The following KLF7 variants were observed in gnomAD, a reference collection of about 807,000 sequenced individuals.
KLF7 encodes the protein Krueppel-like factor 7.
Under a neutral mutation model 27.3 loss-of-function variants are expected in KLF7, and 2 were observed. The ratio of observed to expected loss-of-function variants is 0.07; its 90% CI spans 0.03 to 0.23. The LOEUF is 0.23. KLF7 is among the 10% of genes least tolerant of loss of function. The probability of loss-of-function intolerance (pLI) is 1.00; values close to 1 mark genes in which losing one functional copy is unlikely to be tolerated. For synonymous variants in KLF7, 165 were observed against 162.4 expected (o/e 1.02, Z -0.12); for missense variants, 221 against 394.1 (o/e 0.56, Z 3.72).
In KLF7 at chr2:207,123,981, C is replaced by G. The variant is rs146378446; in HGVS notation, c.526G>C (p.Val176Leu). ...GCTGTTGCGACCCCTCCCACCTTTA[C>G]GGAGCTGAGAGCAGCCTTCTTGGCC... ...LVAKKAALSS[V>L]KVGGVATAAA... The change falls in exon 2 of 4, where the codon GTA becomes CTA. Residue 176 changes from valine to leucine, a missense_variant. By Grantham distance (32) the Val-to-Leu change is conservative (BLOSUM62 1). Around this residue, in one of 3 missense-constraint regions of KLF7, gnomAD observed 180 missense variants for 227.9 expected, o/e 0.79. Transcript: ENST00000309446. 3.7e-6 allele frequency: 6 copies of G among 1,614,210 alleles called. No homozygotes were observed. The highest frequency in any genetic ancestry group is 5.1e-6 in the Non-Finnish European group (6 of 1,180,038).
upstream of KLF7, among the ~76,000 whole-genome samples, chr2:207,170,543 C>T (rs1192168040): frequency 6.6e-6 from 1 of 152,130 alleles, no homozygotes; most frequent in African/African-American, 2.4e-5. Context: ...AGGAAGAAAG[C>T]AATGTCTGGC....
chr2:207,148,081 C>T (rs1027691456), intron 1 of KLF7, among the ~76,000 whole-genome samples: 2 of 152,106 alleles, frequency 1.3e-5, no homozygotes, highest in African/African-American at 4.8e-5. Flanking sequence ...TATGGCTCTC[C>T]AGATGGGGAG....
rs1295465524 is a variant in KLF7 at position 207,080,760 on chromosome 2, A to C, written c.*453T>G. The C allele has an allele frequency of 2.5e-6, 1 of 400,598 alleles. No individual in the cohort carries two copies. The allele number at this position is 400,598 out of a possible 1,614,324, so 24.8% of individuals were successfully genotyped here. On this transcript the variant is annotated 3_prime_UTR_variant, in exon 4 of 4. Coordinates refer to ENST00000309446, the MANE Select transcript of KLF7 (RefSeq NM_003709.4). The stretch of plus-strand genomic sequence containing the variant: ...GAAACATTAGTGCTACACATATGCA[A>C]CTTTAAGATGCTGGATTCTCCTATC...
intron 2 of KLF7, among the ~76,000 whole-genome samples, chr2:207,094,426 T>G (rs1437598132): frequency 6.6e-6 from 1 of 152,228 alleles, no homozygotes; most frequent in Admixed American, 6.5e-5. Flanking sequence ...GGACTTGGAT[T>G]AAGAATTTGG....
intron 1 of KLF7, among the ~76,000 whole-genome samples, chr2:207,153,409 AATAGTTAAATTT>A (rs1440369497): frequency 6.6e-6 from 1 of 152,258 alleles, no homozygotes; most frequent in Non-Finnish European, 1.5e-5. Context: ...TCTCAAAAAC[AATAGTTAAATTT>A]ATAGTTAAAT....
chr2:207,085,354 A>T (rs1363630709), intron 3 of KLF7, among the ~76,000 whole-genome samples: 1 of 152,080 alleles, frequency 6.6e-6, no homozygotes, highest in Non-Finnish European at 1.5e-5. Flanking sequence ...CTATGCTAGT[A>T]GCTGTCTCCC....
In KLF7 at chr2:207,165,714, G is replaced by C; in HGVS notation, c.-146C>G. 6.9e-7 allele frequency: 1 copy of C among 1,457,644 alleles called. No homozygotes were observed. The highest frequency in any genetic ancestry group is 1.4e-5 in the African/African-American group (1 of 69,710). The allele number at this position is 1,457,644 out of a possible 1,614,324, so 90.3% of individuals were successfully genotyped here. The stretch of plus-strand genomic sequence containing the variant: ...TTGTTTTGTTTCAGTCAACTAAAAA[G>C]GAAAAAAAAAAATCAATGCAGGAGA... On this transcript the variant is annotated 5_prime_UTR_variant, in exon 1 of 4. Transcript: ENST00000309446.
At chr2:207,149,506 T>C (rs1180307459) in intron 1 of KLF7, among the ~76,000 whole-genome samples, 2 of 152,156 alleles carry the variant, frequency 1.3e-5, no homozygotes, top group African/African-American at 2.4e-5. Flanking sequence ...CCACTGTTGA[T>C]AAGGCACTCC....
intron 2 of KLF7, among the ~76,000 whole-genome samples, chr2:207,122,763 G>C (rs535426609): frequency 3.0e-4 from 45 of 152,288 alleles, no homozygotes; most frequent in African/African-American, 1.1e-3. Context: ...TTCTCTCCAA[G>C]AATGCTTTTA....
chr2:207,166,971 CCTT>C (rs67974250), upstream of KLF7: 135,623 of 802,796 alleles, frequency 0.17, 13,549 homozygotes, highest in Admixed American at 0.24. Context: ...TCCCGCGCCT[CCTT>C]CTGACCCCGA....
intron 2 of KLF7, among the ~76,000 whole-genome samples, chr2:207,105,804 G>C (rs184731653): frequency 1.3e-5 from 2 of 152,146 alleles, no homozygotes; most frequent in East Asian, 3.9e-4. Context: ...GCCAGACTGT[G>C]AAAGGACTTA....
intron 1 of KLF7, chr2:207,134,024 C>T (rs1361484899): frequency 6.7e-7 from 1 of 1,488,930 alleles, no homozygotes; most frequent in East Asian, 2.5e-5. Context: ...TGCACACACA[C>T]TCACACACCC....
chr2:207,143,980 C>T (rs1404572314), intron 1 of KLF7, among the ~76,000 whole-genome samples: 3 of 152,072 alleles, frequency 2.0e-5, no homozygotes, highest in African/African-American at 7.2e-5. Context: ...GAGAGGGCTT[C>T]GCTCTCTGCC....
rs2076336268 is a variant in KLF7 at position 207,084,165 on chromosome 2, G to A, written c.858-2901C>T. Among the ~76,000 whole-genome samples, 5 of 152,262 alleles carry A rather than the reference G, an allele frequency of 3.3e-5. No individual in the cohort carries two copies. In the South Asian group the frequency reaches 1.0e-3, roughly 32 times the overall value. ...CCTGAGGAGGATGTACCTGTGAGAA[G>A]CAACAACGCAGACACCCAGAAGCCT... On this transcript the variant is annotated intron_variant, in intron 3 of 3. Transcript: ENST00000309446.
intron 2 of KLF7, among the ~76,000 whole-genome samples, chr2:207,093,449 G>A (rs184067876): frequency 6.6e-6 from 1 of 151,990 alleles, no homozygotes; most frequent in Non-Finnish European, 1.5e-5. Context: ...TCCTCGCTCT[G>A]CCTGGAACAC....
chr2:207,165,365 T>TCAAA (rs756678499), intron 1 of KLF7, 102 bp downstream of exon 1: 13 of 1,515,638 alleles, frequency 8.6e-6, no homozygotes, highest in Admixed American at 8.4e-5. Flanking sequence ...GAAAAAAAAG[T>TCAAA]CAAACAAACA....
intron 1 of KLF7, among the ~76,000 whole-genome samples, chr2:207,134,452 C>A (rs2077728771): frequency 6.6e-6 from 1 of 152,014 alleles, no homozygotes. Flanking sequence ...AAACGGAGAG[C>A]TTTGAGGAAC....
In KLF7 at chr2:207,157,107, C is replaced by A. The variant is rs112338220; in HGVS notation, c.102+8360G>T. Among the ~76,000 whole-genome samples, 471 of 150,234 alleles carry A rather than the reference C, an allele frequency of 3.1e-3. 3 individuals are homozygous for A. The highest frequency in any genetic ancestry group is 0.01 in the African/African-American group (414 of 40,922). ...ATAACTATCGAGTGCCCACAGTGTG[C>A]AAAGCTTTCTAAGAAGCAGGTGATA... On this transcript the variant is annotated intron_variant, in intron 1 of 3. Transcript: ENST00000309446.
intron 2 of KLF7, among the ~76,000 whole-genome samples, chr2:207,105,403 GT>G (rs2076857947): frequency 6.6e-6 from 1 of 152,176 alleles, no homozygotes; most frequent in East Asian, 1.9e-4. Context: ...AAGGTAGGTG[GT>G]GATGTTTCCA....
Sources: gnomAD v4.1 joint callset for allele counts (sites outside exome capture counted in the v4.1 genomes callset) on GRCh38, gnomAD v4.1.1 for gene constraint, gnomAD v4.1.1 regional missense constraint, MANE v1.5 for transcripts, NCBI Gene and HGNC (gene_info 2026-07-23, HGNC 2026-07-21) for gene names.